HIP1R: variants seen among roughly 807,000 people sequenced by gnomAD.
HIP1R encodes huntingtin-interacting protein 1-related protein.
HIP1R carries 135 observed loss-of-function variants against 144.2 expected under a neutral mutation model. The ratio of observed to expected loss-of-function variants is 0.94; its 90% CI spans 0.81 to 1.08. The LOEUF (loss-of-function observed/expected upper bound fraction) is 1.08. Ranked by LOEUF, HIP1R falls within the 50% of genes least tolerant of loss-of-function variation. The probability of loss-of-function intolerance (pLI) is 0.00; values close to 1 mark genes in which losing one functional copy is unlikely to be tolerated. For synonymous variants in HIP1R, 698 were observed against 612.8 expected (o/e 1.14, Z -2.05); for missense variants, 1,462 against 1,432.8 (o/e 1.02, Z -0.33).
intron 1 of HIP1R, among the ~76,000 whole-genome samples, chr12:122,844,889 C>T (rs1451934355): frequency 1.3e-5 from 2 of 152,176 alleles, no homozygotes; most frequent in Non-Finnish European, 2.9e-5. Flanking sequence ...CCACATGGGG[C>T]ACAAATGCAG....
chr12:122,858,979 C>G (rs755928347), intron 21 of HIP1R, 34 bp downstream of exon 21: 1 of 1,611,268 alleles, frequency 6.2e-7, no homozygotes. Flanking sequence ...GTTCTGTCCA[C>G]CTCACTGGCT....
chr12:122,857,132 C>A lies in HIP1R; in HGVS notation c.1732C>A (p.Arg578Ser). The stretch of plus-strand genomic sequence containing the variant: ...CCTGCTGGCGGCGCAGAGCCTGGTG[C>A]GCGAGACAGAGGCGGCGCTGAGCCG... ...ADLLAAQSLV[R>S]ETEAALSREQ... Residue 578 changes from arginine (R) to serine (S), a missense_variant, in exon 18 of 32, where the codon CGC (arginine) becomes AGC (serine). Coordinates refer to ENST00000253083, the MANE Select transcript of HIP1R (RefSeq NM_003959.3). 1 of 1,550,446 alleles carries A rather than the reference C, an allele frequency of 6.4e-7. No homozygotes were observed. The highest frequency in any genetic ancestry group is 2.4e-5 in the East Asian group (1 of 40,922).
chr12:122,860,813 T>C (rs7298176), intron 28 of HIP1R, 29 bp downstream of exon 28: 1,522,881 of 1,608,062 alleles, frequency 0.95, 721,834 homozygotes, highest in East Asian at 0.99. Context: ...AGCAGCACAC[T>C]GGGCTCTGGG....
At chr12:122,857,301 G>C (rs2033617374) in intron 18 of HIP1R, 86 bp downstream of exon 18, 1 of 1,260,534 alleles carries the variant, frequency 7.9e-7, no homozygotes, top group Non-Finnish European at 1.1e-6. Flanking sequence ...GCCTGTTCTA[G>C]AGATTTCATG....
At position 122,845,058 on chromosome 12, in the gene HIP1R, A is replaced by G. The variant is rs892674831; in HGVS notation, c.94-2973A>G. ...GGACCCAGAACCAAGTATTGCTGGC[A>G]GTTGGACCTGCCTCGGGACTGTAAG... On this transcript the variant is annotated intron_variant, in intron 1 of 31. Coordinates refer to ENST00000253083, the MANE Select transcript of HIP1R (RefSeq NM_003959.3). 2.0e-5 allele frequency among the ~76,000 whole-genome samples: 3 copies of G among 152,224 alleles called. No individual in the cohort carries two copies. The South Asian group carries it at 6.2e-4, about 31-fold the overall frequency.
chr12:122,858,264 C>T lies in HIP1R; in HGVS notation c.1963+15C>T, dbSNP rs1356220238. The T allele has an allele frequency of 1.0e-5, 16 of 1,578,934 alleles. No homozygotes were observed. The highest frequency in any genetic ancestry group is 1.3e-5 in the Non-Finnish European group (15 of 1,156,768). On this transcript the variant is annotated intron_variant, in intron 19 of 31. Transcript: ENST00000253083. ...CAGCTCCCCAGGTAGACAGTGGGGC[C>T]ACACTCAGCCGCTCCCCTGCCTCCT...
chr12:122,853,931 G>A (rs1566108369), intron 7 of HIP1R, 112 bp from the exon 8 acceptor site: 17 of 1,248,586 alleles, frequency 1.4e-5, no homozygotes, highest in Non-Finnish European at 1.8e-5. Context: ...GAGGCAGGGG[G>A]CACACTGGTG....
chr12:122,844,722 C>T (rs2033160498), intron 1 of HIP1R, among the ~76,000 whole-genome samples: 1 of 152,224 alleles, frequency 6.6e-6, no homozygotes, highest in Non-Finnish European at 1.5e-5. Context: ...TATGATCTTC[C>T]TTTCTCTAGC....
At chr12:122,857,650 A>C in intron 18 of HIP1R, 1 of 293,384 alleles carries the variant, frequency 3.4e-6, no homozygotes, top group Non-Finnish European at 6.5e-6. Flanking sequence ...CTGTTGAGAA[A>C]CTACCAGACT....
chr12:122,859,072 A>G lies in HIP1R; in HGVS notation c.2170A>G (p.Thr724Ala), dbSNP rs779973962. Residue 724 changes from threonine to alanine, a missense_variant, in exon 22 of 32, where the codon ACC (threonine) becomes GCC (alanine). By Grantham distance (58) the Thr-to-Ala change is moderately conservative. This residue lies in a region of HIP1R where 1,112 missense variants were observed against 1,011.7 expected (regional missense o/e 1.10). Transcript: ENST00000253083. ...CTTTCTCACCCCAGGCCTCATAGAC[A>G]CCTGCAGGGAGTGCGGGGCCCGGGC... ...PTDPADRLID[T>A]CRECGARALE... 24 of 1,605,634 alleles carry G rather than the reference A, an allele frequency of 1.5e-5. No homozygotes were observed. The highest frequency in any genetic ancestry group is 1.9e-5 in the Non-Finnish European group (22 of 1,176,792).
At chr12:122,835,395 T>A (rs1275327501), upstream of HIP1R, 11 of 898,016 alleles carry the variant, frequency 1.2e-5, no homozygotes, top group Non-Finnish European at 1.4e-5. Flanking sequence ...GGGAGGGGCG[T>A]GCCCTGGAGT....
Position 122,856,551 on chromosome 12 carries a change from ATGTCCCTTG to A in HIP1R, c.1518+6_1518+14del, listed in dbSNP as rs1240805854. 1.5e-5 allele frequency: 24 copies of A among 1,600,984 alleles called. No homozygotes were observed. The highest frequency in any genetic ancestry group is 8.5e-7 in the Non-Finnish European group (1 of 1,173,708). On this transcript the variant is annotated splice_donor_5th_base_variant and intron_variant, in intron 16 of 31. Transcript: ENST00000253083. The stretch of plus-strand genomic sequence containing the variant: ...TGAAGCGGGAGTCGGAGTTGAAGGT[ATGTCCCTTG>A]TGGCACAGGGCCCTGCCCCGGCATC...
chr12:122,835,082 C>T (rs1390841327), upstream of HIP1R: 2 of 1,012,744 alleles, frequency 2.0e-6, no homozygotes, highest in Admixed American at 2.4e-5. Context: ...GGGAGGGGTT[C>T]CCCCTCCCCC....
At position 122,855,512 on chromosome 12, in the gene HIP1R, G is replaced by A. The variant is rs539318669; in HGVS notation, c.994-39G>A. On this transcript the variant is annotated intron_variant, in intron 11 of 31. Transcript: ENST00000253083. ...CCTTTGCCCACTGCCCGGCCTGGAG[G>A]GCACAGGTGAGTGGGGTCACCATGC... 19 of 1,549,290 alleles carry A rather than the reference G, an allele frequency of 1.2e-5. 1 individual carries two copies. In the South Asian group the frequency reaches 2.3e-4, roughly 18 times the overall value.
chr12:122,856,858 C>T, intron 17 of HIP1R, 132 bp downstream of exon 17: 3 of 1,041,708 alleles, frequency 2.9e-6, no homozygotes, highest in Non-Finnish European at 4.2e-6. Context: ...TGACCCAGAC[C>T]CAGGGGCTAC....
chr12:122,854,477 C>T (rs550018405), intron 8 of HIP1R, among the ~76,000 whole-genome samples: 1 of 152,262 alleles, frequency 6.6e-6, no homozygotes, highest in Non-Finnish European at 1.5e-5. Context: ...CCGCCAGGCA[C>T]CCTGGGGGTG....
At chr12:122,842,804 T>G (rs1240119799) in intron 1 of HIP1R, among the ~76,000 whole-genome samples, 1 of 152,220 alleles carries the variant, frequency 6.6e-6, no homozygotes, top group Non-Finnish European at 1.5e-5. Context: ...CAGCACTCAC[T>G]GAGATGCTCG....
At chr12:122,838,510 T>G (rs139886829) in intron 1 of HIP1R, among the ~76,000 whole-genome samples, 1 of 152,164 alleles carries the variant, frequency 6.6e-6, no homozygotes. Context: ...GGCTCTAGCC[T>G]GTGTCCCTGG....
chr12:122,855,933 G>A, intron 13 of HIP1R, 30 bp downstream of exon 13: 1 of 1,565,920 alleles, frequency 6.4e-7, no homozygotes, highest in Non-Finnish European at 8.7e-7. Context: ...GGGGGCCAGG[G>A]CCCCTCACGG....
Sources: allele counts gnomAD v4.1 joint callset (sites outside exome capture counted in the v4.1 genomes callset), GRCh38; gene constraint gnomAD v4.1.1; regional missense constraint gnomAD v4.1.1; transcripts MANE v1.5; gene names NCBI Gene and HGNC (gene_info 2026-07-23, HGNC 2026-07-21).